Variants in ASXL3 observed in about 807,000 individuals in gnomAD.
ASXL3 encodes ASXL transcriptional regulator 3, also known as putative Polycomb group protein ASXL3.
ASXL3 carries 34 observed loss-of-function variants against 170.6 expected under a neutral mutation model. The ratio of observed to expected loss-of-function variants is 0.20; its 90% CI spans 0.15 to 0.27. The LOEUF is 0.27. Ranked by LOEUF, ASXL3 falls within the 10% of genes least tolerant of loss-of-function variation. The pLI is 1.00. For synonymous variants in ASXL3, 1,002 were observed against 989.1 expected (o/e 1.01, Z -0.24); for missense variants, 2,592 against 2,695.3 (o/e 0.96, Z 0.85).
chr18:33,680,298 A>G (rs905102149), intron 7 of ASXL3, among the ~76,000 whole-genome samples: 2 of 152,074 alleles, frequency 1.3e-5, no homozygotes, highest in African/African-American at 4.8e-5. Context: ...CTAATATGGT[A>G]CTGTATTTAA....
At chr18:33,645,105 T>G (rs564256372) in intron 3 of ASXL3, 103 bp downstream of exon 3, 2 of 618,772 alleles carry the variant, frequency 3.2e-6, no homozygotes, top group East Asian at 5.9e-5. Context: ...GAATGACTCC[T>G]ATGCCTTTAA....
chr18:33,590,111 G>GTT lies in ASXL3; in HGVS notation c.54+11444_54+11445dup, dbSNP rs567969303. The stretch of plus-strand genomic sequence containing the variant: ...TGTCGTCAAGGTATTTGCTTTCTAT[G>GTT]TTTTTTTTTTTTTTTTTTTGCTTTG... On this transcript the variant is annotated intron_variant, in intron 1 of 11. Coordinates refer to ENST00000269197, the MANE Select transcript of ASXL3 (RefSeq NM_030632.3). Among the ~76,000 whole-genome samples, 317 of 83,162 alleles carry GTT rather than the reference G, an allele frequency of 3.8e-3. 15 individuals carry two copies. Among genetic ancestry groups the GTT allele is most frequent in the African/African-American group, 0.018 (255 of 14,538 alleles). The allele number at this position is 83,162 out of a possible 152,430, so 54.6% of individuals were successfully genotyped here.
chr18:33,679,839 A>G (rs2066485968), intron 7 of ASXL3, among the ~76,000 whole-genome samples: 1 of 152,052 alleles, frequency 6.6e-6, no homozygotes, highest in Non-Finnish European at 1.5e-5. Flanking sequence ...CTGCCTTTAG[A>G]TATGTACTCT....
chr18:33,721,008 C>CTTGTTTCA (rs1309226929), intron 8 of ASXL3, among the ~76,000 whole-genome samples: 1 of 151,796 alleles, frequency 6.6e-6, no homozygotes, highest in Non-Finnish European at 1.5e-5. Flanking sequence ...TAATATTCTC[C>CTTGTTTCA]TTGTTTCATT....
chr18:33,685,908 G>A (rs897011461), intron 8 of ASXL3, among the ~76,000 whole-genome samples: 5 of 152,126 alleles, frequency 3.3e-5, no homozygotes, highest in African/African-American at 1.2e-4. Flanking sequence ...CCTCCCACTA[G>A]GCCCACCGCC....
At chr18:33,635,686 T>C (rs2065752625) in intron 2 of ASXL3, among the ~76,000 whole-genome samples, 1 of 152,174 alleles carries the variant, frequency 6.6e-6, no homozygotes, top group African/African-American at 2.4e-5. Flanking sequence ...TGGAATCACA[T>C]TGTTATGAAA....
At chr18:33,702,385 G>A (rs1228844800) in intron 8 of ASXL3, among the ~76,000 whole-genome samples, 1 of 151,278 alleles carries the variant, frequency 6.6e-6, no homozygotes, top group African/African-American at 2.4e-5. Context: ...TGTTTTTATT[G>A]TTGTCTTTTT....
intron 8 of ASXL3, among the ~76,000 whole-genome samples, chr18:33,689,849 TATTA>T (rs1382610002): frequency 1.3e-5 from 2 of 152,186 alleles, no homozygotes; most frequent in African/African-American, 4.8e-5. Context: ...ATTTTCAATG[TATTA>T]ATTCATGTAC....
intron 8 of ASXL3, among the ~76,000 whole-genome samples, chr18:33,708,558 T>G (rs2067002654): frequency 6.6e-6 from 1 of 152,162 alleles, no homozygotes. Context: ...TCTTCTGATT[T>G]TGTACTGGAT....
At chr18:33,617,109 C>T (rs2065435806) in intron 2 of ASXL3, among the ~76,000 whole-genome samples, 1 of 152,104 alleles carries the variant, frequency 6.6e-6, no homozygotes, top group Non-Finnish European at 1.5e-5. Context: ...ATGCTTAACA[C>T]AGTACCATGG....
At chr18:33,584,479 T>C (rs182189629) in intron 1 of ASXL3, among the ~76,000 whole-genome samples, 1 of 152,268 alleles carries the variant, frequency 6.6e-6, no homozygotes, top group East Asian at 1.9e-4. Context: ...TCTTACGATA[T>C]GTATTTGTAC....
intron 2 of ASXL3, among the ~76,000 whole-genome samples, chr18:33,636,261 T>G (rs1002156238): frequency 1.3e-5 from 2 of 151,944 alleles, no homozygotes; most frequent in East Asian, 1.9e-4. Flanking sequence ...AATGCTGGCC[T>G]GAGGACTTTG....
chr18:33,741,830 A>G (rs963026479), intron 11 of ASXL3, among the ~76,000 whole-genome samples: 2 of 152,196 alleles, frequency 1.3e-5, no homozygotes, highest in Non-Finnish European at 2.9e-5. Context: ...GCACAGCCTC[A>G]GTTTCCTCAA....
At chr18:33,688,283 C>T (rs777488502) in intron 8 of ASXL3, among the ~76,000 whole-genome samples, 10 of 152,128 alleles carry the variant, frequency 6.6e-5, no homozygotes, top group Non-Finnish European at 1.2e-4. Flanking sequence ...CTGTAAAAAT[C>T]TGTTTTTTAG....
At chr18:33,643,771 G>A (rs951104512) in intron 2 of ASXL3, among the ~76,000 whole-genome samples, 3 of 151,706 alleles carry the variant, frequency 2.0e-5, no homozygotes, top group Non-Finnish European at 2.9e-5. Context: ...GAAATTTGAA[G>A]TTAGAATTCT....
At chr18:33,696,605 A>G (rs9960503) in intron 8 of ASXL3, among the ~76,000 whole-genome samples, 84,313 of 151,304 alleles carry the variant, frequency 0.56, 23,822 homozygotes, top group East Asian at 0.86. Flanking sequence ...GAGACTGCTG[A>G]TTTGTCCTGT....
intron 2 of ASXL3, among the ~76,000 whole-genome samples, chr18:33,633,055 G>A (rs1410106182): frequency 6.6e-6 from 1 of 152,154 alleles, no homozygotes; most frequent in Non-Finnish European, 1.5e-5. Context: ...GTCCATTTGT[G>A]CTTCCCTTGT....
At chr18:33,593,117 G>A (rs1334123238) in intron 1 of ASXL3, among the ~76,000 whole-genome samples, 2 of 152,074 alleles carry the variant, frequency 1.3e-5, no homozygotes, top group African/African-American at 4.8e-5. Flanking sequence ...AATGAGTTCA[G>A]GTTCCCAAGT....
chr18:33,749,605 G>GT lies in ASXL3; in HGVS notation c.*3011dup, dbSNP rs2067853035. ...TAATGGGCATGTTAATAAGAGCATT[G>GT]TGATGCAAATTCATTTTCAAAATGA... On this transcript the variant is annotated 3_prime_UTR_variant, in exon 12 of 12. Transcript: ENST00000269197. 6.6e-6 allele frequency: 1 copy of GT among 152,180 alleles called. No individual in the cohort carries two copies. The highest frequency in any genetic ancestry group is 2.1e-4 in the South Asian group (1 of 4,818). The allele number at this position is 152,180 out of a possible 1,614,324, so 9.4% of individuals were successfully genotyped here.
Sources: allele counts gnomAD v4.1 joint callset (sites outside exome capture counted in the v4.1 genomes callset), GRCh38; gene constraint gnomAD v4.1.1; transcripts MANE v1.5; gene names NCBI Gene and HGNC (gene_info 2026-07-23, HGNC 2026-07-21).